MPHOSPH8: variants seen among roughly 807,000 people sequenced by gnomAD.
MPHOSPH8 encodes M-phase phosphoprotein, mpp.
MPHOSPH8 carries 45 observed loss-of-function variants against 87.3 expected under a neutral mutation model. That is an observed-to-expected ratio of 0.52 (90% CI 0.41 to 0.66). The LOEUF (loss-of-function observed/expected upper bound fraction) is 0.66. Ranked by LOEUF, MPHOSPH8 falls within the 30% of genes least tolerant of loss-of-function variation. MPHOSPH8 has a pLI of 0.00. For missense variants in MPHOSPH8, 883 were observed against 1,020.2 expected, an observed-to-expected ratio of 0.87 and a Z score of 1.83; for synonymous variants, 366 against 376.9, an observed-to-expected ratio of 0.97 and a Z score of 0.33.
intron 1 of MPHOSPH8, among the ~76,000 whole-genome samples, 175 bp from the exon 2 acceptor site, chr13:19,641,940 T>G (rs1465913840): frequency 6.6e-6 from 1 of 152,130 alleles, no homozygotes; most frequent in African/African-American, 2.4e-5. Flanking sequence ...TGGTCAATAC[T>G]TTTTTTCTTA....
At chr13:19,661,025 T>C in intron 7 of MPHOSPH8, 2 of 924,606 alleles carry the variant, frequency 2.2e-6, no homozygotes, top group Non-Finnish European at 2.6e-6. Flanking sequence ...CTTGAGGCTG[T>C]GGCAGGAGGA....
chr13:19,634,736 C>G (rs1873902241), intron 1 of MPHOSPH8, among the ~76,000 whole-genome samples: 2 of 152,184 alleles, frequency 1.3e-5, no homozygotes, highest in Admixed American at 1.3e-4. Flanking sequence ...CATTATCGTT[C>G]TTTGTTTGTC....
At chr13:19,652,568 G>A (rs146175037) in intron 5 of MPHOSPH8, among the ~76,000 whole-genome samples, 1,671 of 152,224 alleles carry the variant, frequency 0.011, 33 homozygotes, top group African/African-American at 0.038. Context: ...CACCTGGAAC[G>A]CCAGCGAGAC....
chr13:19,654,603 A>G (rs1875048104), intron 5 of MPHOSPH8, among the ~76,000 whole-genome samples: 1 of 152,248 alleles, frequency 6.6e-6, no homozygotes, highest in Admixed American at 6.5e-5. Context: ...GCTAATGCTA[A>G]CTTATTCTGG....
At chr13:19,660,411 T>G (rs1374099432) in intron 7 of MPHOSPH8, among the ~76,000 whole-genome samples, 1 of 152,208 alleles carries the variant, frequency 6.6e-6, no homozygotes, top group Non-Finnish European at 1.5e-5. Context: ...TTGGGTATCT[T>G]GTCTTGCTTA....
At chr13:19,642,010 A>C in intron 1 of MPHOSPH8, 105 bp from the exon 2 acceptor site, 1 of 1,017,516 alleles carries the variant, frequency 9.8e-7, no homozygotes, top group Non-Finnish European at 1.3e-6. Flanking sequence ...CTTAGAAGCA[A>C]TTTTCAAGTT....
intron 10 of MPHOSPH8, 64 bp from the exon 11 acceptor site, chr13:19,668,313 G>A (rs748354233): frequency 3.5e-5 from 51 of 1,476,156 alleles, no homozygotes; most frequent in Non-Finnish European, 4.5e-5. Context: ...GCCCTCACTG[G>A]TATTCGACAG....
intron 10 of MPHOSPH8, among the ~76,000 whole-genome samples, chr13:19,667,863 A>G (rs1455023393): frequency 6.6e-6 from 1 of 152,190 alleles, no homozygotes; most frequent in Non-Finnish European, 1.5e-5. Flanking sequence ...AGAAACTTGC[A>G]TGTATCAGAC....
Position 19,650,036 on chromosome 13 carries a change from T to G in MPHOSPH8, c.1352T>G (p.Phe451Cys). The change falls in exon 5 of 14, where the codon TTT (phenylalanine) becomes TGT (cysteine). Residue 451 changes from phenylalanine (F) to cysteine (C), a missense_variant. By Grantham distance (205) the Phe-to-Cys change is radical. Coordinates refer to ENST00000361479, the MANE Select transcript of MPHOSPH8 (RefSeq NM_017520.4). ...LKEIRNAFDL[F>C]KLTPEEKNDV... is the part of the protein sequence containing the mutation. ...GAAATCAGAAATGCATTTGATTTAT[T>G]TAAATTAACTCCAGAAGAAAAAAAT... is the stretch of plus-strand genomic sequence containing the variant. The G allele has an allele frequency of 6.2e-7, 1 of 1,601,470 alleles. No individual in the cohort carries two copies. Among genetic ancestry groups the G allele is most frequent in the Non-Finnish European group, 8.5e-7 (1 of 1,174,390 alleles).
chr13:19,667,155 C>CT (rs1228200153), intron 10 of MPHOSPH8, among the ~76,000 whole-genome samples: 3 of 152,216 alleles, frequency 2.0e-5, no homozygotes, highest in Non-Finnish European at 2.9e-5. Flanking sequence ...GAGCAACACT[C>CT]TGTTTCCGCC....
chr13:19,666,401 G>A (rs1333194839), intron 9 of MPHOSPH8, 24 bp from the exon 10 acceptor site: 4 of 1,586,834 alleles, frequency 2.5e-6, no homozygotes, highest in East Asian at 2.3e-5. Flanking sequence ...CTAAGTAATT[G>A]TTACTCCTTT....
At chr13:19,662,990 G>T in intron 8 of MPHOSPH8, 50 bp from the exon 9 acceptor site, 1 of 1,454,842 alleles carries the variant, frequency 6.9e-7, no homozygotes. Context: ...TCTGAAAACT[G>T]TCTTTTAAAT....
At position 19,647,302 on chromosome 13, in the gene MPHOSPH8, C is replaced by T. The variant is rs55673828; in HGVS notation, c.1218+11C>T. On this transcript the variant is annotated intron_variant, in intron 3 of 13. Transcript: ENST00000361479. ...GACTCAGCCGAGGAGGTAAGGGCCA[C>T]GGGAGGCAGCAGAAAACCCATGTTG... The T allele has an allele frequency of 7.9e-4, 1,238 of 1,566,874 alleles. 10 individuals are homozygous for T. In the African/African-American group the frequency reaches 0.015, roughly 19 times the overall value.
At chr13:19,670,671 A>C (rs1876071915) in intron 12 of MPHOSPH8, among the ~76,000 whole-genome samples, 1 of 152,184 alleles carries the variant, frequency 6.6e-6, no homozygotes, top group African/African-American at 2.4e-5. Context: ...CACTGTTAGA[A>C]TTATTTCCTT....
At chr13:19,656,819 A>G (rs888269485) in intron 5 of MPHOSPH8, among the ~76,000 whole-genome samples, 1 of 151,832 alleles carries the variant, frequency 6.6e-6, no homozygotes, top group African/African-American at 2.4e-5. Flanking sequence ...GATTTAAAAG[A>G]TTGCTTAGAA....
intron 2 of MPHOSPH8, among the ~76,000 whole-genome samples, chr13:19,645,619 G>T (rs998628876): frequency 3.3e-5 from 5 of 151,978 alleles, no homozygotes; most frequent in Non-Finnish European, 5.9e-5. Context: ...AGCAGGGTGT[G>T]GTGGCACGTT....
In MPHOSPH8 at chr13:19,633,715, C is replaced by G. The variant is rs749839886; in HGVS notation, c.-34C>G. 1 of 1,559,412 alleles carries G rather than the reference C, an allele frequency of 6.4e-7. No homozygotes were observed. Among genetic ancestry groups the G allele is most frequent in the Non-Finnish European group, 8.7e-7 (1 of 1,151,384 alleles). On this transcript the variant is annotated 5_prime_UTR_variant, in exon 1 of 14. Transcript: ENST00000361479. ...GGGGCTGCTGGGGTGTTTGTCGCAGCGGGTTTTCCTCGGCGGTTTGCGGAG... is the reference window on the plus strand; with the variant it reads ...GGGGCTGCTGGGGTGTTTGTCGCAGGGGGTTTTCCTCGGCGGTTTGCGGAG...
intron 8 of MPHOSPH8, among the ~76,000 whole-genome samples, chr13:19,662,293 C>CTA (rs1170661721): frequency 6.6e-6 from 1 of 152,080 alleles, no homozygotes; most frequent in Admixed American, 6.5e-5. Flanking sequence ...AGGTCTCACT[C>CTA]TGTCACACAG....
At chr13:19,637,349 TTAGA>T (rs1330098510) in intron 1 of MPHOSPH8, among the ~76,000 whole-genome samples, 3 of 152,226 alleles carry the variant, frequency 2.0e-5, no homozygotes, top group South Asian at 2.1e-4. Context: ...AATGTAAGAA[TTAGA>T]TAGACTCTCA....
Sources: gnomAD v4.1 joint callset for allele counts (sites outside exome capture counted in the v4.1 genomes callset) on GRCh38, gnomAD v4.1.1 for gene constraint, MANE v1.5 for transcripts, NCBI Gene and HGNC (gene_info 2026-07-23, HGNC 2026-07-21) for gene names.